The following PEPD variants were observed in gnomAD, a reference collection of about 807,000 sequenced individuals.
PEPD encodes xaa-Pro dipeptidase.
In PEPD, 53 loss-of-function variants were observed where a neutral mutation model predicts 60.7. That is an observed-to-expected ratio of 0.87 (90% CI 0.70 to 1.10). The LOEUF is 1.10. Among genes scored for constraint, PEPD ranks in the 50% least tolerant of loss-of-function variants. PEPD has a pLI of 0.00. For missense variants in PEPD, 711 were observed against 711.9 expected (o/e 1.00, Z 0.01); for synonymous variants, 267 against 284.1 (o/e 0.94, Z 0.60).
Position 33,493,323 on chromosome 19 carries a change from C to G in PEPD, c.408G>C (p.Leu136=). 6.2e-7 allele frequency: 1 copy of G among 1,613,528 alleles called. No individual in the cohort carries two copies. Among genetic ancestry groups the G allele is most frequent in the Non-Finnish European group, 8.5e-7 (1 of 1,179,522 alleles). Residue 136 remains leucine, a synonymous_variant, in exon 5 of 15, where the codon CTG becomes CTC. Coordinates refer to ENST00000244137, the MANE Select transcript of PEPD (RefSeq NM_000285.4). The part of the protein sequence containing the change: ...VQYVDEIASV[L]TSQKPSVLLT... ...GGAGGACAGAGGGCTTCTGTGACGT[C>G]AGGACGCTGGCAATCTAGAAGGTCG... is the stretch of plus-strand genomic sequence containing the variant.
intron 11 of PEPD, among the ~76,000 whole-genome samples, 195 bp from the exon 12 acceptor site, chr19:33,402,064 G>C (rs1284703213): frequency 6.6e-6 from 1 of 152,172 alleles, no homozygotes; most frequent in East Asian, 1.9e-4. Flanking sequence ...GAAACCCGAA[G>C]CCATCCTGGA....
intron 6 of PEPD, among the ~76,000 whole-genome samples, chr19:33,486,612 G>A (rs999627295): frequency 1.3e-5 from 2 of 152,102 alleles, no homozygotes; most frequent in East Asian, 1.9e-4. Context: ...CCCACACCTC[G>A]AGACCCCACA....
intron 7 of PEPD, among the ~76,000 whole-genome samples, chr19:33,469,652 C>A (rs143410441): frequency 0.012 from 1,779 of 152,228 alleles, 27 homozygotes; most frequent in South Asian, 0.07. Context: ...CCTCCACCAG[C>A]TCCTGCTAGA....
chr19:33,425,940 G>C (rs1201980597), intron 9 of PEPD, among the ~76,000 whole-genome samples: 1 of 152,210 alleles, frequency 6.6e-6, no homozygotes, highest in Non-Finnish European at 1.5e-5. Flanking sequence ...CTCCTGAGTA[G>C]CTAGGACTAC....
intron 9 of PEPD, among the ~76,000 whole-genome samples, chr19:33,458,083 G>A (rs1017566609): frequency 1.3e-5 from 2 of 152,102 alleles, no homozygotes; most frequent in Non-Finnish European, 2.9e-5. Context: ...TGTGTAGTGT[G>A]TGTATGGGGA....
At chr19:33,502,548 G>C (rs1970732102) in intron 3 of PEPD, among the ~76,000 whole-genome samples, 2 of 152,266 alleles carry the variant, frequency 1.3e-5, no homozygotes, top group African/African-American at 4.8e-5. Context: ...ATGGGAAATT[G>C]AAAGTACCTC....
At chr19:33,392,642 G>A (rs944762864) in intron 12 of PEPD, among the ~76,000 whole-genome samples, 4 of 152,210 alleles carry the variant, frequency 2.6e-5, no homozygotes, top group African/African-American at 4.8e-5. Flanking sequence ...CCCACCAGGC[G>A]GAGTGACCTT....
intron 1 of PEPD, among the ~76,000 whole-genome samples, chr19:33,515,166 A>AT (rs759319004): frequency 4.6e-5 from 7 of 152,188 alleles, no homozygotes; most frequent in Non-Finnish European, 1.0e-4. Context: ...CTCAACACAT[A>AT]TCTGCTGAAT....
At chr19:33,444,655 C>T (rs557150297) in intron 9 of PEPD, among the ~76,000 whole-genome samples, 3 of 151,276 alleles carry the variant, frequency 2.0e-5, no homozygotes, top group East Asian at 2.0e-4. Context: ...TGGTAGCCTC[C>T]TCACTGTCCT....
chr19:33,512,861 G>A, intron 1 of PEPD, 85 bp from the exon 2 acceptor site: 1 of 1,488,462 alleles, frequency 6.7e-7, no homozygotes. Context: ...GGTGACCGGA[G>A]GCCCGAGCCT....
At chr19:33,404,804 A>G (rs1178922308) in intron 11 of PEPD, among the ~76,000 whole-genome samples, 1 of 146,252 alleles carries the variant, frequency 6.8e-6, no homozygotes, top group East Asian at 2.0e-4. Flanking sequence ...TCAGTTCCCT[A>G]TCTTTTTCTG....
At chr19:33,478,798 C>A (rs1266125290) in intron 6 of PEPD, among the ~76,000 whole-genome samples, 1 of 151,866 alleles carries the variant, frequency 6.6e-6, no homozygotes, top group African/African-American at 2.4e-5. Context: ...TACTAGCAGA[C>A]CTACCCTGAA....
intron 7 of PEPD, among the ~76,000 whole-genome samples, chr19:33,474,102 C>T (rs1009769480): frequency 6.6e-6 from 1 of 152,144 alleles, no homozygotes; most frequent in Non-Finnish European, 1.5e-5. Context: ...AAGCATCTGC[C>T]CCCTGGTTCT....
chr19:33,488,636 CCA>C (rs1970440435), intron 6 of PEPD, among the ~76,000 whole-genome samples: 2 of 152,140 alleles, frequency 1.3e-5, no homozygotes, highest in South Asian at 4.1e-4. Flanking sequence ...GGGGAAACTC[CCA>C]GGAGGACACG....
intron 3 of PEPD, among the ~76,000 whole-genome samples, chr19:33,506,739 C>T (rs1970820449): frequency 6.7e-6 from 1 of 150,038 alleles, no homozygotes; most frequent in Non-Finnish European, 1.5e-5. Context: ...ACATACCACA[C>T]ACCACACACA....
chr19:33,448,028 A>G (rs1242140347), intron 9 of PEPD, among the ~76,000 whole-genome samples: 1 of 152,214 alleles, frequency 6.6e-6, no homozygotes, highest in Admixed American at 6.5e-5. Flanking sequence ...TCAAGAGCAG[A>G]CATGCCTGCC....
rs149548124 is a variant in PEPD, at chr19:33,475,733, T to C, written c.548+2313A>G. Among the ~76,000 whole-genome samples, 31 of 152,300 alleles carry C rather than the reference T, an allele frequency of 2.0e-4. No individual in the cohort carries two copies. In the East Asian group the frequency reaches 3.9e-3, roughly 19 times the overall value. On this transcript the variant is annotated intron_variant, in intron 7 of 14. Transcript: ENST00000244137. ...AATGTCCCATGTGAGGCAGTATAAGTGGACATGGCCCATTCTAAGTACCCA... is the reference window on the plus strand; with the variant it reads ...AATGTCCCATGTGAGGCAGTATAAGCGGACATGGCCCATTCTAAGTACCCA...
At chr19:33,518,366 T>C (rs1183331465) in intron 1 of PEPD, among the ~76,000 whole-genome samples, 1 of 152,072 alleles carries the variant, frequency 6.6e-6, no homozygotes, top group Non-Finnish European at 1.5e-5. Flanking sequence ...AGTCTTCTGC[T>C]CCTGGAGCAC....
At chr19:33,408,839 C>T (rs912078977) in intron 11 of PEPD, among the ~76,000 whole-genome samples, 1 of 152,198 alleles carries the variant, frequency 6.6e-6, no homozygotes, top group Non-Finnish European at 1.5e-5. Context: ...ACGCAGTAGG[C>T]GCTCGGCAGA....
Sources: allele counts gnomAD v4.1 joint callset (sites outside exome capture counted in the v4.1 genomes callset), GRCh38; gene constraint gnomAD v4.1.1; transcripts MANE v1.5; gene names NCBI Gene and HGNC (gene_info 2026-07-23, HGNC 2026-07-21).